Variants in SLCO4A1 observed in about 807,000 individuals in gnomAD.
The protein encoded by SLCO4A1 is solute carrier organic anion transporter family member 4A1.
A neutral mutation model predicts 64.6 loss-of-function variants in SLCO4A1; 51 were observed. That is an observed-to-expected ratio of 0.79 (90% confidence interval 0.63 to 1.00). The LOEUF (loss-of-function observed/expected upper bound fraction) is 1.00, where lower values mean the gene tolerates loss of function less well. Among genes scored for constraint, SLCO4A1 ranks in the 50% least tolerant of loss-of-function variants. The probability of loss-of-function intolerance (pLI) is 0.00; values close to 1 mark genes in which losing one functional copy is unlikely to be tolerated. For synonymous variants in SLCO4A1, 471 were observed against 444.9 expected (o/e 1.06, Z -0.74); for missense variants, 919 against 980.5 (o/e 0.94, Z 0.84).
chr20:62,689,579 G>C (rs1191607409), downstream of SLCO4A1, among the ~76,000 whole-genome samples: 1 of 152,034 alleles, frequency 6.6e-6, no homozygotes, highest in Non-Finnish European at 1.5e-5. Flanking sequence ...AGGGCCCAGC[G>C]AGCCGGGTGC....
chr20:62,654,893 C>A (rs909826774), intron 1 of SLCO4A1, among the ~76,000 whole-genome samples: 2 of 152,192 alleles, frequency 1.3e-5, no homozygotes, highest in African/African-American at 4.8e-5. Flanking sequence ...GCAAGGCCGG[C>A]CCCCCTCGGA....
At position 62,661,040 on chromosome 20, in the gene SLCO4A1, C is replaced by CCCCCCCCCCCCCCCCA; in HGVS notation, c.1010-23_1010-22insCCCCCCCCCCCCCCAC. On this transcript the variant is annotated intron_variant, in intron 4 of 11. Transcript: ENST00000217159. The surrounding 1 kb of genome is among the most constrained non-coding windows in gnomAD (Gnocchi z 5.2). ...CTCCGGGAGCCCCCAGCCCCCAGCCCCAGCTCACTCTGTGCCCTTCCAGGC... is the reference window on the plus strand; with the variant it reads ...CTCCGGGAGCCCCCAGCCCCCAGCCCCCCCCCCCCCCCCCCACAGCTCACTCTGTGCCCTTCCAGGC... 48 of 1,395,868 alleles carry CCCCCCCCCCCCCCCCA rather than the reference C, an allele frequency of 3.4e-5. No individual in the cohort carries two copies. Among genetic ancestry groups the CCCCCCCCCCCCCCCCA allele is most frequent in the Non-Finnish European group, 4.7e-5 (46 of 984,474 alleles). 86.5% of individuals were successfully genotyped at this position (1,395,868 alleles called of 1,614,324 possible). A position where few individuals can be genotyped will look rare whatever the true frequency, so the allele number is the denominator to read the frequency against.
chr20:62,689,086 GGAATCAAGTCA>G (rs1988150490), downstream of SLCO4A1, among the ~76,000 whole-genome samples: 1 of 152,220 alleles, frequency 6.6e-6, no homozygotes, highest in Non-Finnish European at 1.5e-5. Flanking sequence ...CGGTCTCTAA[GGAATCAAGTCA>G]GGCCCTCATC....
At chr20:62,670,359 G>T (rs1236302039) in intron 11 of SLCO4A1, 1 of 152,266 alleles carries the variant, frequency 6.6e-6, no homozygotes, top group Admixed American at 6.5e-5. Context: ...GCCACCACCT[G>T]TTGATCACTT....
In SLCO4A1 at chr20:62,668,494, A is replaced by G. The variant is rs1986792761; in HGVS notation, c.1829A>G (p.Gln610Arg). 6.2e-7 allele frequency: 1 copy of G among 1,613,884 alleles called. No homozygotes were observed. Among genetic ancestry groups the G allele is most frequent in the Non-Finnish European group, 8.5e-7 (1 of 1,179,910 alleles). The change falls in exon 10 of 12, where the codon CAG becomes CGG. Residue 610 changes from glutamine to arginine, a missense_variant. Gln to Arg is a conservative substitution (Grantham distance 43). Transcript: ENST00000217159. The stretch of plus-strand genomic sequence containing the variant: ...TATTGCAGATGTGTCCGTGACCCTC[A>G]GAGATCCTTTGCCCTGGGAATCCAG... ...TATLRCVRDP[Q>R]RSFALGIQWI...
rs1354799581 is a variant in SLCO4A1, at chr20:62,666,590, G to A, written c.1472+15G>A. On this transcript the variant is annotated intron_variant, in intron 7 of 11. Coordinates refer to ENST00000217159, the MANE Select transcript of SLCO4A1 (RefSeq NM_016354.4). Reference sequence around the variant, plus strand: ...TACGGCGGGAGGTGAGGGCCAGATGGCACCTGGGTACGCGTCGGGGCCCCA... The same window carrying A: ...TACGGCGGGAGGTGAGGGCCAGATGACACCTGGGTACGCGTCGGGGCCCCA... The A allele has an allele frequency of 2.5e-6, 4 of 1,609,228 alleles. No homozygotes were observed. Among genetic ancestry groups the A allele is most frequent in the South Asian group, 1.1e-5 (1 of 91,050 alleles).
intron 11 of SLCO4A1, among the ~76,000 whole-genome samples, chr20:62,671,005 G>C (rs1242049891): frequency 6.6e-6 from 1 of 152,256 alleles, no homozygotes; most frequent in East Asian, 1.9e-4. Context: ...CAGCATCCGT[G>C]CTTGGACCTC....
chr20:62,674,388 T>A (rs1410197366), downstream of SLCO4A1, among the ~76,000 whole-genome samples: 1 of 151,948 alleles, frequency 6.6e-6, no homozygotes, highest in Non-Finnish European at 1.5e-5. Context: ...GCTGGGCAGA[T>A]CCAAATGGAA....
intron 8 of SLCO4A1, 51 bp downstream of exon 8, chr20:62,667,961 G>A: frequency 6.2e-7 from 1 of 1,614,040 alleles, no homozygotes; most frequent in Non-Finnish European, 8.5e-7. Context: ...ACCCTGGGAA[G>A]GGGCCCCCGT....
intron 11 of SLCO4A1, among the ~76,000 whole-genome samples, chr20:62,670,611 G>A (rs1400063651): frequency 6.6e-6 from 1 of 152,202 alleles, no homozygotes; most frequent in East Asian, 1.9e-4. Context: ...GGGGGCTGCT[G>A]TACTTTCCCA....
intron 11 of SLCO4A1, among the ~76,000 whole-genome samples, chr20:62,669,368 T>G (rs2147104888): frequency 6.6e-6 from 1 of 152,286 alleles, no homozygotes; most frequent in Non-Finnish European, 1.5e-5. Flanking sequence ...CCCTCCACAG[T>G]GTGGTCTTGC....
At chr20:62,669,381 G>A (rs1234122379) in intron 11 of SLCO4A1, among the ~76,000 whole-genome samples, 1 of 152,228 alleles carries the variant, frequency 6.6e-6, no homozygotes, top group Non-Finnish European at 1.5e-5. Flanking sequence ...GGTCTTGCAC[G>A]TACCCGGGAT....
chr20:62,666,345 CCTGAGTCCCTGG>C (rs758145322), intron 6 of SLCO4A1, 23 bp from the exon 7 acceptor site: 1 of 1,598,030 alleles, frequency 6.3e-7, no homozygotes, highest in Non-Finnish European at 8.6e-7. Context: ...CGGCCCCCTG[CCTGAGTCCCTGG>C]CTGAATCCCT....
chr20:62,654,762 G>A (rs1201338199), intron 1 of SLCO4A1, among the ~76,000 whole-genome samples: 3 of 151,856 alleles, frequency 2.0e-5, no homozygotes, highest in African/African-American at 7.3e-5. Flanking sequence ...ATATGGACAC[G>A]CCACCGCCCA....
intron 1 of SLCO4A1, among the ~76,000 whole-genome samples, chr20:62,654,012 A>G (rs1166978456): frequency 6.6e-6 from 1 of 152,130 alleles, no homozygotes; most frequent in Non-Finnish European, 1.5e-5. Flanking sequence ...CATGTTGTGC[A>G]CATGTACCCT....
Position 62,645,298 on chromosome 20 carries a change from CT to C in SLCO4A1, c.-97+2746del, listed in dbSNP as rs1467001469. ...CCCTGCCAGGGGTGTGAGGAGGAAA[CT>C]GGCCCTGCTGCTGGGACAACAGACT... On this transcript the variant is annotated intron_variant, in intron 1 of 11. Coordinates refer to ENST00000217159, the MANE Select transcript of SLCO4A1 (RefSeq NM_016354.4). This position sits in a 1 kb window ranked among gnomAD's most constrained non-coding sequence, Gnocchi z 4.2. Among the ~76,000 whole-genome samples, 2 of 152,130 alleles carry C rather than the reference CT, an allele frequency of 1.3e-5. No homozygotes were observed. Among genetic ancestry groups the C allele is most frequent in the Non-Finnish European group, 2.9e-5 (2 of 68,008 alleles).
chr20:62,666,353 C>G, intron 6 of SLCO4A1, 27 bp from the exon 7 acceptor site: 1 of 1,607,126 alleles, frequency 6.2e-7, no homozygotes, highest in South Asian at 1.1e-5. Context: ...TGCCTGAGTC[C>G]CTGGCTGAAT....
rs1347036519 is a variant in SLCO4A1, at chr20:62,661,110, G to A, written c.1056G>A (p.Leu352=). The part of the protein sequence containing the change: ...AVMRAAEMHQ[L]KDSSRGEASN... ...TGAGAGCGGCGGAAATGCACCAGTT[G>A]AAGGACAGCAGCCGTGGGGAGGCGA... is the stretch of plus-strand genomic sequence containing the variant. The change falls in exon 5 of 12, where the codon TTG becomes TTA. Residue 352 remains leucine (L), a synonymous_variant. Transcript: ENST00000217159. The surrounding 1 kb of genome is among the most constrained non-coding windows in gnomAD (Gnocchi z 5.2). The A allele has an allele frequency of 1.3e-6, 2 of 1,552,470 alleles. No homozygotes were observed. The highest frequency in any genetic ancestry group is 2.7e-5 in the African/African-American group (2 of 73,242).
chr20:62,681,943 A>G (rs1304244799), intron 2 of SLCO4A1, among the ~76,000 whole-genome samples: 1 of 152,228 alleles, frequency 6.6e-6, no homozygotes, highest in Admixed American at 6.5e-5. Context: ...TTTTATGGAA[A>G]AGGGAGGTTG....
Sources: allele counts gnomAD v4.1 joint callset (sites outside exome capture counted in the v4.1 genomes callset), GRCh38; gene constraint gnomAD v4.1.1; non-coding constraint Gnocchi (gnomAD v3.1); transcripts MANE v1.5; gene names NCBI Gene and HGNC (gene_info 2026-07-23, HGNC 2026-07-21).